The following PAPSS1 variants were observed in gnomAD, a reference collection of about 807,000 sequenced individuals.
PAPSS1 encodes bifunctional 3'-phosphoadenosine 5'-phosphosulfate synthase 1.
Under a neutral mutation model 72.0 loss-of-function variants are expected in PAPSS1, and 50 were observed. The ratio of observed to expected loss-of-function variants is 0.69; its 90% CI spans 0.55 to 0.88. The LOEUF is 0.88. Among genes scored for constraint, PAPSS1 ranks in the 40% least tolerant of loss-of-function variants. The pLI, the probability that PAPSS1 is intolerant of heterozygous loss-of-function variation, is 0.00. For missense variants in PAPSS1, 657 were observed against 782.2 expected, an observed-to-expected ratio of 0.84 and a Z score of 1.91; for synonymous variants, 261 against 263.6, an observed-to-expected ratio of 0.99 and a Z score of 0.09.
chr4:107,630,188 C>T (rs1467152924), intron 11 of PAPSS1, among the ~76,000 whole-genome samples: 1 of 141,468 alleles, frequency 7.1e-6, no homozygotes, highest in Non-Finnish European at 1.6e-5. Flanking sequence ...ACAAAAGTGT[C>T]CTGATCTTGA....
At chr4:107,710,075 C>T (rs1236978259) in intron 1 of PAPSS1, among the ~76,000 whole-genome samples, 1 of 152,314 alleles carries the variant, frequency 6.6e-6, no homozygotes, top group Middle Eastern at 3.4e-3. Context: ...TCCTTCTGCA[C>T]CCACTTCAGC....
intron 8 of PAPSS1, 128 bp downstream of exon 8, chr4:107,654,566 TA>T: frequency 1.3e-6 from 1 of 747,060 alleles, no homozygotes; most frequent in Non-Finnish European, 2.3e-6. Context: ...CACAATAATC[TA>T]AGGTCCAATC....
intron 1 of PAPSS1, among the ~76,000 whole-genome samples, chr4:107,703,052 G>T (rs1299341862): frequency 6.6e-6 from 1 of 152,152 alleles, no homozygotes; most frequent in African/African-American, 2.4e-5. Flanking sequence ...GGTGTGAGGT[G>T]ATAGCTCACT....
intron 5 of PAPSS1, among the ~76,000 whole-genome samples, chr4:107,674,105 A>G (rs1253303792): frequency 1.3e-5 from 2 of 151,588 alleles, no homozygotes; most frequent in Non-Finnish European, 3.0e-5. Flanking sequence ...GACAAATTGT[A>G]AAGACCGAAA....
chr4:107,645,097 A>G, intron 9 of PAPSS1, 27 bp from the exon 10 acceptor site: 1 of 1,469,776 alleles, frequency 6.8e-7, no homozygotes, highest in Admixed American at 2.4e-5. Context: ...CAGAGTTAAG[A>G]ATAGCATGTT....
At chr4:107,719,751 G>C (rs1333594129) in intron 1 of PAPSS1, 1 of 1,055,238 alleles carries the variant, frequency 9.5e-7, no homozygotes, top group Non-Finnish European at 1.2e-6. Context: ...AAGGTATGCA[G>C]GAAGCTCCTG....
At chr4:107,619,212 T>C (rs1343599651) in intron 11 of PAPSS1, among the ~76,000 whole-genome samples, 1 of 152,226 alleles carries the variant, frequency 6.6e-6, no homozygotes, top group Non-Finnish European at 1.5e-5. Flanking sequence ...AATGCCAAAC[T>C]GTCTGAAATC....
intron 11 of PAPSS1, among the ~76,000 whole-genome samples, chr4:107,618,958 T>C (rs1725891139): frequency 6.6e-6 from 1 of 152,188 alleles, no homozygotes; most frequent in African/African-American, 2.4e-5. Context: ...ACTGAATGTG[T>C]TTCAGTTCCT....
At chr4:107,628,395 C>A (rs6828367) in intron 11 of PAPSS1, among the ~76,000 whole-genome samples, 25,612 of 152,040 alleles carry the variant, frequency 0.17, 2,787 homozygotes, top group Non-Finnish European at 0.24. Flanking sequence ...TTAAAGGTTT[C>A]TTTTTCTCTT....
At chr4:107,654,486 T>C (rs1453895362) in intron 8 of PAPSS1, among the ~76,000 whole-genome samples, 3 of 152,168 alleles carry the variant, frequency 2.0e-5, no homozygotes, top group South Asian at 2.1e-4. Flanking sequence ...ATGTATACAA[T>C]AGAGATTTAA....
intron 10 of PAPSS1, among the ~76,000 whole-genome samples, chr4:107,638,057 C>T (rs1726435157): frequency 6.6e-6 from 1 of 152,190 alleles, no homozygotes; most frequent in Non-Finnish European, 1.5e-5. Context: ...AAAGGTGAGG[C>T]TCATCCTCCC....
chr4:107,627,459 C>G (rs943308321), intron 11 of PAPSS1, among the ~76,000 whole-genome samples: 1 of 152,132 alleles, frequency 6.6e-6, no homozygotes, highest in African/African-American at 2.4e-5. Flanking sequence ...CCCAGCATTT[C>G]ACCTGACATT....
At chr4:107,707,120 A>G (rs1357263969) in intron 1 of PAPSS1, among the ~76,000 whole-genome samples, 2 of 152,164 alleles carry the variant, frequency 1.3e-5, no homozygotes, top group East Asian at 3.9e-4. Context: ...TCTCTTAAGT[A>G]TGGGGTTGCA....
Position 107,631,711 on chromosome 4 carries a change from T to C in PAPSS1, c.1656A>G (p.Leu552=), listed in dbSNP as rs747975258. 1.2e-6 allele frequency: 2 copies of C among 1,614,140 alleles called. No homozygotes were observed. The highest frequency in any genetic ancestry group is 3.3e-5 in the Admixed American group (2 of 60,014). Reference sequence around the variant, plus strand: ...GAAAGGGAACTATTTCCAAAGTGATTAAACCAGGGGCCATCGTCAGCACTT... The same window carrying C: ...GAAAGGGAACTATTTCCAAAGTGATCAAACCAGGGGCCATCGTCAGCACTT... ...GAKVLTMAPG[L]ITLEIVPFRV... is the part of the protein sequence containing the mutation. Residue 552 remains leucine, a synonymous_variant, in exon 11 of 12, where the codon TTA becomes TTG. Transcript: ENST00000265174.
At chr4:107,632,000 G>T in intron 10 of PAPSS1, 140 bp from the exon 11 acceptor site, 2 of 629,366 alleles carry the variant, frequency 3.2e-6, no homozygotes, top group Non-Finnish European at 5.2e-6. Context: ...TATCATCCTG[G>T]GAAGCCAGAA....
intron 1 of PAPSS1, among the ~76,000 whole-genome samples, chr4:107,707,888 C>A (rs1723380405): frequency 6.6e-6 from 1 of 152,184 alleles, no homozygotes. Context: ...AATTTCTATA[C>A]AAATCTTCAA....
chr4:107,642,175 A>C (rs143844296), intron 10 of PAPSS1, among the ~76,000 whole-genome samples: 12 of 152,302 alleles, frequency 7.9e-5, no homozygotes, highest in African/African-American at 2.6e-4. Context: ...GGGCCATCCT[A>C]ACTCACTATT....
intron 9 of PAPSS1, among the ~76,000 whole-genome samples, chr4:107,651,725 C>T (rs980988917): frequency 6.6e-6 from 1 of 152,156 alleles, no homozygotes; most frequent in Non-Finnish European, 1.5e-5. Context: ...GGGTCCTTTC[C>T]ATGACAGGTG....
intron 11 of PAPSS1, among the ~76,000 whole-genome samples, chr4:107,626,618 G>C (rs762211351): frequency 6.6e-6 from 1 of 152,102 alleles, no homozygotes; most frequent in East Asian, 1.9e-4. Flanking sequence ...TCTTCATAAA[G>C]TTTGTTTCTT....
Sources: gnomAD v4.1 joint callset for allele counts (sites outside exome capture counted in the v4.1 genomes callset) on GRCh38, gnomAD v4.1.1 for gene constraint, MANE v1.5 for transcripts, NCBI Gene and HGNC (gene_info 2026-07-23, HGNC 2026-07-21) for gene names.